ATRN: variants seen among roughly 807,000 people sequenced by gnomAD.
The protein encoded by ATRN is attractin-2.
Under a neutral mutation model 178.7 loss-of-function variants are expected in ATRN, and 54 were observed. The observed-to-expected ratio is 0.30, with a 90% CI of 0.24 to 0.38. The LOEUF (loss-of-function observed/expected upper bound fraction) is 0.38. ATRN is among the 10% of genes least tolerant of loss of function. The pLI is 1.00. For missense variants in ATRN, 1,443 were observed against 1,815.1 expected (o/e 0.79, Z 3.73); for synonymous variants, 636 against 663.0 (o/e 0.96, Z 0.63).
At chr20:3,607,852 C>T (rs1033659796) in intron 24 of ATRN, among the ~76,000 whole-genome samples, 22 of 152,140 alleles carry the variant, frequency 1.4e-4, no homozygotes, top group African/African-American at 5.3e-4. Flanking sequence ...GAACTAGTAT[C>T]GTCTTTCTCT....
intron 25 of ATRN, among the ~76,000 whole-genome samples, chr20:3,626,637 G>A (rs1200460349): frequency 6.6e-6 from 1 of 151,948 alleles, no homozygotes; most frequent in Non-Finnish European, 1.5e-5. Context: ...CTGAGAACAA[G>A]AGTTAATATT....
At chr20:3,535,588 T>TACACACACACACACAC (rs11468707) in intron 2 of ATRN, among the ~76,000 whole-genome samples, 22 of 143,214 alleles carry the variant, frequency 1.5e-4, no homozygotes, top group African/African-American at 4.9e-4. Context: ...CAGAAACGGT[T>TACACACACACACACAC]ACACACACAC....
chr20:3,630,916 CTTTTTTTT>C lies in ATRN; in HGVS notation c.3864-3354_3864-3347del, dbSNP rs368394749. 3.2e-4 allele frequency among the ~76,000 whole-genome samples: 14 copies of C among 43,452 alleles called. 1 individual carries two copies. The highest frequency in any genetic ancestry group is 1.3e-3 in the African/African-American group (13 of 10,152). The allele number at this position is 43,452 out of a possible 152,430, so 28.5% of individuals were successfully genotyped here. On this transcript the variant is annotated intron_variant, in intron 25 of 28. Coordinates refer to ENST00000262919, the MANE Select transcript of ATRN (RefSeq NM_139321.3). ...ACCATGTCTAAAAGAATTTATTTAGCTTTTTTTTTTTTTTTTTTTTTTTTTTTTTTTTT... is the reference window on the plus strand; with the variant it reads ...ACCATGTCTAAAAGAATTTATTTAGCTTTTTTTTTTTTTTTTTTTTTTTTT...
Position 3,601,033 on chromosome 20 carries a change from A to G in ATRN, c.3643+9A>G. 6.3e-7 allele frequency: 1 copy of G among 1,599,472 alleles called. No homozygotes were observed. Among genetic ancestry groups the G allele is most frequent in the South Asian group, 1.1e-5 (1 of 90,094 alleles). On this transcript the variant is annotated intron_variant, in intron 23 of 28. Transcript: ENST00000262919. ...GGCTGCCAGTTTCTCAGGTAAAGAC[A>G]TACCTAGAGAAGACCCCGCAAATGA...
chr20:3,631,334 T>C (rs1382299563), intron 25 of ATRN, among the ~76,000 whole-genome samples: 1 of 152,074 alleles, frequency 6.6e-6, no homozygotes, highest in Non-Finnish European at 1.5e-5. Context: ...GAATGGCTCA[T>C]ATAATATATG....
chr20:3,597,825 G>C lies in ATRN; in HGVS notation c.3470-81G>C. 6 of 858,236 alleles carry C rather than the reference G, an allele frequency of 7.0e-6. 1 individual carries two copies. In the South Asian group the frequency reaches 8.4e-5, roughly 12 times the overall value. 53.2% of individuals were successfully genotyped at this position (858,236 alleles called of 1,614,324 possible). ...GCTTTCCTCGTTACTTAATTTATAA[G>C]AAAAGCAGCCTGTATCTCTAAAGAC... is the stretch of plus-strand genomic sequence containing the variant. On this transcript the variant is annotated intron_variant, in intron 21 of 28. Coordinates refer to ENST00000262919, the MANE Select transcript of ATRN (RefSeq NM_139321.3).
intron 1 of ATRN, among the ~76,000 whole-genome samples, chr20:3,497,920 A>G (rs1180423453): frequency 6.6e-6 from 1 of 152,076 alleles, no homozygotes; most frequent in Non-Finnish European, 1.5e-5. Context: ...TTTCATCAAC[A>G]AAATTGATAA....
At chr20:3,592,459 A>T (rs1362595246) in intron 19 of ATRN, 1 of 984,944 alleles carries the variant, frequency 1.0e-6, no homozygotes, top group African/African-American at 1.7e-5. Context: ...GTCAAATAGA[A>T]GCCTGCAAGC....
intron 27 of ATRN, among the ~76,000 whole-genome samples, chr20:3,643,240 C>T (rs896329558): frequency 2.0e-5 from 3 of 152,224 alleles, no homozygotes; most frequent in East Asian, 1.9e-4. Context: ...TTCCCCAGAA[C>T]TCATGGAAGA....
chr20:3,635,391 A>C (rs2087018231), intron 26 of ATRN, among the ~76,000 whole-genome samples: 2 of 150,728 alleles, frequency 1.3e-5, no homozygotes, highest in South Asian at 4.1e-4. Context: ...ATAAATAAAT[A>C]AATATTTTAA....
At chr20:3,574,848 A>G (rs1256694698) in intron 12 of ATRN, among the ~76,000 whole-genome samples, 1 of 152,096 alleles carries the variant, frequency 6.6e-6, no homozygotes, top group Non-Finnish European at 1.5e-5. Flanking sequence ...TAAGGAGCCG[A>G]CTGCTGGGGT....
rs553010986 is a variant in ATRN at position 3,523,872 on chromosome 20, T to G, written c.411-11381T>G. Among the ~76,000 whole-genome samples, 11 of 152,310 alleles carry G rather than the reference T, an allele frequency of 7.2e-5. No homozygotes were observed. In the East Asian group the frequency reaches 2.1e-3, roughly 29 times the overall value. On this transcript the variant is annotated intron_variant, in intron 1 of 28. Coordinates refer to ENST00000262919, the MANE Select transcript of ATRN (RefSeq NM_139321.3). ...ATTTACAGACAAGCAATTGCTGAGA[T>G]ATTTTGTCATCACCAGGCCTGCCTT...
intron 1 of ATRN, among the ~76,000 whole-genome samples, chr20:3,497,793 G>C (rs1008948574): frequency 1.3e-5 from 2 of 152,060 alleles, no homozygotes; most frequent in Non-Finnish European, 2.9e-5. Flanking sequence ...TCACTTTCAG[G>C]TACACCAATC....
Position 3,578,569 on chromosome 20 carries a change from C to T in ATRN, c.2354-13C>T. ...CTAAAATTCTTTTCTTTCTCTTTTC[C>T]CCTTAATGAAAGAAAATATCTGTGG... On this transcript the variant is annotated splice_polypyrimidine_tract_variant and intron_variant, in intron 14 of 28. Transcript: ENST00000262919. 6.3e-7 allele frequency: 1 copy of T among 1,588,562 alleles called. No individual in the cohort carries two copies.
intron 23 of ATRN, among the ~76,000 whole-genome samples, chr20:3,603,460 A>G (rs945125617): frequency 2.4e-4 from 36 of 150,774 alleles, no homozygotes; most frequent in African/African-American, 7.8e-4. Context: ...AGGGAGTTAC[A>G]TGGATTCCTG....
At chr20:3,558,713 A>G (rs2085912306) in intron 6 of ATRN, among the ~76,000 whole-genome samples, 2 of 152,004 alleles carry the variant, frequency 1.3e-5, no homozygotes, top group Admixed American at 6.5e-5. Context: ...TATTGGTTAC[A>G]TTCTTTATAA....
rs759544008 is a variant in ATRN at position 3,540,203 on chromosome 20, C to CT, written c.495-12dup. On this transcript the variant is annotated intron_variant, in intron 2 of 28. Coordinates refer to ENST00000262919, the MANE Select transcript of ATRN (RefSeq NM_139321.3). Reference sequence around the variant, plus strand: ...GTTGTGATAACTTTATTATAAATTACTTTTTTTATTCTTTTCAGGCCAAAT... The same window carrying CT: ...GTTGTGATAACTTTATTATAAATTACTTTTTTTTATTCTTTTCAGGCCAAAT... 9 of 1,419,564 alleles carry CT rather than the reference C, an allele frequency of 6.3e-6. No homozygotes were observed. Among genetic ancestry groups the CT allele is most frequent in the South Asian group, 1.3e-5 (1 of 77,246 alleles). 87.9% of individuals were successfully genotyped at this position (1,419,564 alleles called of 1,614,324 possible). A position where few individuals can be genotyped will look rare whatever the true frequency, so the allele number is the denominator to read the frequency against.
intron 1 of ATRN, among the ~76,000 whole-genome samples, chr20:3,487,830 C>A (rs975991991): frequency 5.3e-5 from 8 of 152,134 alleles, no homozygotes; most frequent in Non-Finnish European, 1.2e-4. Context: ...GAGGGATTTT[C>A]CCCTGCCTTG....
At chr20:3,579,337 T>C (rs376499679) in intron 15 of ATRN, among the ~76,000 whole-genome samples, 32 of 152,088 alleles carry the variant, frequency 2.1e-4, no homozygotes, top group African/African-American at 7.5e-4. Context: ...AATACAAAAA[T>C]TAGCCAGGCA....
Sources: gnomAD v4.1 joint callset for allele counts (sites outside exome capture counted in the v4.1 genomes callset) on GRCh38, gnomAD v4.1.1 for gene constraint, MANE v1.5 for transcripts, NCBI Gene and HGNC (gene_info 2026-07-23, HGNC 2026-07-21) for gene names.